CHD8: variants seen among roughly 807,000 people sequenced by gnomAD.
The protein encoded by CHD8 is chromodomain helicase DNA binding protein 8, also known as ATP-dependent chromatin remodeler CHD8.
In CHD8, 31 loss-of-function variants were observed where a neutral mutation model predicts 279.2. That is an observed-to-expected ratio of 0.11 (90% CI 0.08 to 0.15). CHD8 has a LOEUF of 0.15. Ranked by LOEUF, CHD8 falls within the 10% of genes least tolerant of loss-of-function variation. The pLI is 1.00. For missense variants in CHD8, 2,146 were observed against 3,230.5 expected (o/e 0.66, Z 8.14); for synonymous variants, 1,081 against 1,139.6 (o/e 0.95, Z 1.04).
At chr14:21,434,207 G>A (rs905450112) in intron 1 of CHD8, among the ~76,000 whole-genome samples, 4 of 151,690 alleles carry the variant, frequency 2.6e-5, no homozygotes, top group East Asian at 3.9e-4. Flanking sequence ...CACCACACTC[G>A]GCTAATTTTG....
intron 1 of CHD8, among the ~76,000 whole-genome samples, chr14:21,448,735 T>A (rs889920846): frequency 2.0e-5 from 3 of 151,394 alleles, no homozygotes; most frequent in Non-Finnish European, 3.0e-5. Flanking sequence ...TTTTTTTTTT[T>A]AATTTTTAGT....
rs1888416185 is a variant in CHD8 at position 21,409,975 on chromosome 14, T to C, written c.2240A>G (p.Tyr747Cys). ...GGGCAGAGAGCACCATTTCACCAGG[T>C]AGTAAATAACGGGCTAGGAGAGAAG... ...DKDNGEPVIYYLVKWCSLPYE... is the reference protein window; with the variant it reads ...DKDNGEPVIYCLVKWCSLPYE... Residue 747 changes from tyrosine (Y) to cysteine (C), a missense_variant, in exon 11 of 38, where the codon TAC (tyrosine) becomes TGC (cysteine). Physicochemically the swap from Tyr to Cys is radical, Grantham distance 194. Coordinates refer to ENST00000646647, the MANE Select transcript of CHD8 (RefSeq NM_001170629.2). 2 of 1,612,822 alleles carry C rather than the reference T, an allele frequency of 1.2e-6. No individual in the cohort carries two copies. Among genetic ancestry groups the C allele is most frequent in the Non-Finnish European group, 1.7e-6 (2 of 1,179,312 alleles).
At chr14:21,425,790 G>A in intron 5 of CHD8, 1 of 204,726 alleles carries the variant, frequency 4.9e-6, no homozygotes, top group Non-Finnish European at 9.7e-6. Context: ...ACAAAAATTA[G>A]CTGGGCGTGG....
rs534373578 is a variant in CHD8, at chr14:21,417,802, C to T, written c.1717-1895G>A. Among the ~76,000 whole-genome samples, 213 of 146,596 alleles carry T rather than the reference C, an allele frequency of 1.5e-3. 3 individuals carry two copies. Among genetic ancestry groups the T allele is most frequent in the Middle Eastern group, 3.7e-3 (1 of 272 alleles). On this transcript the variant is annotated intron_variant, in intron 5 of 37. Transcript: ENST00000646647. ...CTGGGAGGTGGAGCTTGCAGTGAGC[C>T]GAGATCGCGCCACTGCACTCCAGCC...
rs76300869 is a variant in CHD8 at position 21,433,109 on chromosome 14, C to T, written c.-215-1251G>A. ...TATCTGTGGATCCCCTAAGAACCAG[C>T]AGGACATAGCACATATAGTAGCTAA... On this transcript the variant is annotated intron_variant, in intron 1 of 37. Coordinates refer to ENST00000646647, the MANE Select transcript of CHD8 (RefSeq NM_001170629.2). 6.8e-3 allele frequency among the ~76,000 whole-genome samples: 1,040 copies of T among 152,284 alleles called. 11 individuals are homozygous for T. The highest frequency in any genetic ancestry group is 0.023 in the African/African-American group (974 of 41,556).
At chr14:21,407,135 C>CA (rs1888285386) in intron 13 of CHD8, 103 bp from the exon 14 acceptor site, 1 of 850,032 alleles carries the variant, frequency 1.2e-6, no homozygotes, top group Admixed American at 3.1e-5. Flanking sequence ...ATAGGCAATA[C>CA]AAACTGCACC....
At chr14:21,426,459 T>A in intron 4 of CHD8, 2 of 476,896 alleles carry the variant, frequency 4.2e-6, no homozygotes, top group Non-Finnish European at 7.4e-6. Flanking sequence ...ATTTGACAAA[T>A]CCTTGTTATT....
intron 5 of CHD8, among the ~76,000 whole-genome samples, chr14:21,421,369 AACTGCCATCTAGTATTCT>A (rs370314908): frequency 5.9e-5 from 9 of 151,686 alleles, no homozygotes; most frequent in African/African-American, 1.5e-4. Context: ...CATTGTTTTT[AACTGCCATCTAGTATTCT>A]ACTGCCATCT....
chr14:21,414,868 G>T, intron 8 of CHD8, 70 bp downstream of exon 8: 1 of 1,164,798 alleles, frequency 8.6e-7, no homozygotes, highest in East Asian at 2.5e-5. Context: ...TTCCCACCCA[G>T]GATACCCAGG....
chr14:21,431,773 T>C lies in CHD8; in HGVS notation c.-130A>G, dbSNP rs1030976301. On this transcript the variant is annotated 5_prime_UTR_variant, in exon 2 of 38. Transcript: ENST00000646647. ...ATGTAAGAGGACTACTCTTCAAGTA[T>C]AGAGGCAAGAAACAAGTGCATGTCA... 5 of 1,613,228 alleles carry C rather than the reference T, an allele frequency of 3.1e-6. No individual in the cohort carries two copies. The highest frequency in any genetic ancestry group is 1.6e-4 in the Middle Eastern group (1 of 6,084).
At position 21,402,359 on chromosome 14, in the gene CHD8, C is replaced by A. The variant is rs1200201759; in HGVS notation, c.3859G>T (p.Gly1287Cys). ...ACTCCAGTAATGTTGCCATCCCGACCACTCATGGATTGAAGCACAGCCTTA... is the reference window on the plus strand; with the variant it reads ...ACTCCAGTAATGTTGCCATCCCGACAACTCATGGATTGAAGCACAGCCTTA... Reference protein sequence around the residue: ...LDKAVLQSMSGRDGNITGIQQ... With the variant: ...LDKAVLQSMSCRDGNITGIQQ... Residue 1287 changes from glycine (G) to cysteine (C), a missense_variant, in exon 19 of 38, where the codon GGT (glycine) becomes TGT (cysteine). By Grantham distance (159) the Gly-to-Cys change is radical. Around this residue, in one of 26 missense-constraint regions of CHD8, gnomAD observed 35 missense variants for 82.4 expected, o/e 0.42. Transcript: ENST00000646647. The surrounding 1 kb of genome is among the most constrained non-coding windows in gnomAD (Gnocchi z 4.5). 1 of 1,613,868 alleles carries A rather than the reference C, an allele frequency of 6.2e-7. No homozygotes were observed. Among genetic ancestry groups the A allele is most frequent in the African/African-American group, 1.3e-5 (1 of 74,908 alleles).
In CHD8 at chr14:21,393,987, C is replaced by T; in HGVS notation, c.5808G>A (p.Gly1936=). The T allele has an allele frequency of 6.2e-7, 1 of 1,613,946 alleles. No homozygotes were observed. The highest frequency in any genetic ancestry group is 8.5e-7 in the Non-Finnish European group (1 of 1,179,886). The change falls in exon 32 of 38, where the codon GGG becomes GGA. Residue 1936 remains glycine (G), a synonymous_variant. Transcript: ENST00000646647. ...TTTGGCTCACCCCATGGCGGGCTGC[C>T]CCTCTTAGAAGCTCCCCATCATGCC... ...PVRHDGELLR[G]AARHGVSQTD... is the part of the protein sequence containing the mutation.
At chr14:21,389,409 G>C (rs1284329980) in intron 37 of CHD8, among the ~76,000 whole-genome samples, 1 of 152,074 alleles carries the variant, frequency 6.6e-6, no homozygotes, top group Non-Finnish European at 1.5e-5. Context: ...TCGGGAGTTT[G>C]AGAACAGTCT....
At position 21,385,797 on chromosome 14, in the gene CHD8, A is replaced by C. The variant is rs1887196989; in HGVS notation, c.7562T>G (p.Val2521Gly). ...LRAPGYPSSP[V>G]TTASGTTLRL... ...CAAGGTAGTACCAGAGGCGGTAGTC[A>C]CTGGTGAAGAGGGGTAGCCAGGGGC... Residue 2521 changes from valine to glycine, a missense_variant, in exon 38 of 38, where the codon GTG (valine) becomes GGG (glycine). Coordinates refer to ENST00000646647, the MANE Select transcript of CHD8 (RefSeq NM_001170629.2). 6.9e-7 allele frequency: 1 copy of C among 1,446,274 alleles called. No individual in the cohort carries two copies. The highest frequency in any genetic ancestry group is 9.2e-7 in the Non-Finnish European group (1 of 1,082,808). The allele number at this position is 1,446,274 out of a possible 1,614,324, so 89.6% of individuals were successfully genotyped here. A position where few individuals can be genotyped will look rare whatever the true frequency, so the allele number is the denominator to read the frequency against.
Position 21,415,765 on chromosome 14 carries a change from T to A in CHD8, c.1859A>T (p.Glu620Val). 6.2e-7 allele frequency: 1 copy of A among 1,613,936 alleles called. No individual in the cohort carries two copies. The highest frequency in any genetic ancestry group is 1.1e-5 in the South Asian group (1 of 91,076). Residue 620 changes from glutamate to valine, a missense_variant, in exon 6 of 38, where the codon GAA becomes GTA. Glu to Val is a moderately radical substitution (Grantham distance 121). Transcript: ENST00000646647. ...PEPILPEPVQEPDGETLPSMQ... is the reference protein window; with the variant it reads ...PEPILPEPVQVPDGETLPSMQ... ...GGAAGGCAAAGTCTCGCCATCTGGT[T>A]CTTGCACTGGTTCAGGGAGGATAGG... is the stretch of plus-strand genomic sequence containing the variant.
Position 21,396,010 on chromosome 14 carries a change from AT to A in CHD8, c.5052-119del, listed in dbSNP as rs562658869. 76 of 740,014 alleles carry A rather than the reference AT, an allele frequency of 1.0e-4. 1 individual carries two copies. The African/African-American group carries it at 1.1e-3, about 11-fold the overall frequency. 45.8% of individuals were successfully genotyped at this position (740,014 alleles called of 1,614,324 possible). On this transcript the variant is annotated intron_variant, in intron 27 of 37. Transcript: ENST00000646647. ...GCATGAAATAATCTTTATTAGTATT[AT>A]TTTTGAGACAGGTCTCACTCTGTCG...
chr14:21,429,025 C>T lies in CHD8; in HGVS notation c.1154G>A (p.Gly385Glu). 1 of 1,613,942 alleles carries T rather than the reference C, an allele frequency of 6.2e-7. No homozygotes were observed. The highest frequency in any genetic ancestry group is 8.5e-7 in the Non-Finnish European group (1 of 1,179,872). ...TCTTTGTCCTGGGCTTTGTCCTGGT[C>T]CCATTATCTGAGCCTGCTGTACAGA... is the stretch of plus-strand genomic sequence containing the variant. Reference protein sequence around the residue: ...LSSVQQAQIMGPGQSPGQRLS... With the variant: ...LSSVQQAQIMEPGQSPGQRLS... Residue 385 changes from glycine (G) to glutamate (E), a missense_variant, in exon 3 of 38, where the codon GGA (glycine) becomes GAA (glutamate). Gly to Glu is a moderately conservative substitution (Grantham distance 98). Around this residue, in one of 26 missense-constraint regions of CHD8, gnomAD observed 170 missense variants for 189.9 expected, o/e 0.90. Transcript: ENST00000646647.
rs1555313242 is a variant in CHD8, at chr14:21,393,599, C to T, written c.6196G>A (p.Glu2066Lys). ...TCCAGCTCAGAGTCCGAATCATCCT[C>T]ATCCTCCAGTTTGACTGGTGGAACA... ...RSVPPVKLED[E>K]DDSDSELDLS... Residue 2066 changes from glutamate to lysine, a missense_variant, in exon 32 of 38, where the codon GAG becomes AAG. Transcript: ENST00000646647. 7 of 1,613,854 alleles carry T rather than the reference C, an allele frequency of 4.3e-6. No homozygotes were observed. The highest frequency in any genetic ancestry group is 5.9e-6 in the Non-Finnish European group (7 of 1,179,848).
At chr14:21,418,626 T>C (rs569182654) in intron 5 of CHD8, among the ~76,000 whole-genome samples, 204 of 152,126 alleles carry the variant, frequency 1.3e-3, no homozygotes, top group Non-Finnish European at 2.3e-3. Flanking sequence ...CCATCCTGGC[T>C]AACACGGTGA....
Sources: gnomAD v4.1 joint callset for allele counts (sites outside exome capture counted in the v4.1 genomes callset) on GRCh38, gnomAD v4.1.1 for gene constraint, gnomAD v4.1.1 regional missense constraint, Gnocchi (gnomAD v3.1) non-coding constraint, MANE v1.5 for transcripts, NCBI Gene and HGNC (gene_info 2026-07-23, HGNC 2026-07-21) for gene names.